The following SLC38A11 variants were observed in gnomAD, a reference collection of about 807,000 sequenced individuals.
SLC38A11 encodes the protein putative sodium-coupled neutral amino acid transporter 11.
Under a neutral mutation model 49.4 loss-of-function variants are expected in SLC38A11, and 51 were observed. The observed-to-expected ratio is 1.03, with a 90% CI of 0.83 to 1.30. SLC38A11 has a LOEUF of 1.30. Among genes scored for constraint, SLC38A11 ranks in the 50% most tolerant of loss-of-function variants. The pLI, the probability that SLC38A11 is intolerant of heterozygous loss-of-function variation, is 0.00. For synonymous variants in SLC38A11, 203 were observed against 192.9 expected (o/e 1.05, Z -0.43); for missense variants, 574 against 556.2 (o/e 1.03, Z -0.32).
In SLC38A11 at chr2:164,921,866, A is replaced by T. The variant is rs549365040; in HGVS notation, c.618-5893T>A. 9.2e-5 allele frequency among the ~76,000 whole-genome samples: 14 copies of T among 152,322 alleles called. No individual in the cohort carries two copies. The South Asian group carries it at 2.7e-3, about 29-fold the overall frequency. On this transcript the variant is annotated intron_variant, in intron 7 of 11. Coordinates refer to ENST00000685975, the MANE Select transcript of SLC38A11 (RefSeq NM_001351537.2). ...AGTTTGTAGCCTTAGAACAGCAAAC[A>T]CTTTTACAATTAATTACTTCCCTTA...
intron 11 of SLC38A11, among the ~76,000 whole-genome samples, chr2:164,901,260 C>T (rs1276246285): frequency 6.6e-6 from 1 of 151,772 alleles, no homozygotes; most frequent in Non-Finnish European, 1.5e-5. Flanking sequence ...TTTTTCTTTT[C>T]AATACTGATT....
chr2:164,915,302 A>C (rs754389982), intron 8 of SLC38A11, 29 bp from the exon 9 acceptor site: 2 of 1,568,008 alleles, frequency 1.3e-6, no homozygotes, highest in Non-Finnish European at 1.7e-6. Context: ...GAGCATTATT[A>C]AATCAAGCAC....
intron 3 of SLC38A11, among the ~76,000 whole-genome samples, chr2:164,947,115 CTCTTTTT>C (rs1688167447): frequency 1.6e-5 from 1 of 63,078 alleles, no homozygotes; most frequent in Non-Finnish European, 2.9e-5. Context: ...ACTTTTTTAT[CTCTTTTT>C]TTTTTTTTTT....
intron 11 of SLC38A11, among the ~76,000 whole-genome samples, chr2:164,907,016 C>T (rs949987423): frequency 6.6e-6 from 1 of 152,088 alleles, no homozygotes; most frequent in Non-Finnish European, 1.5e-5. Context: ...GGTGCATGAC[C>T]AATAAGTGCT....
At chr2:164,900,785 T>C (rs990011859) in intron 11 of SLC38A11, among the ~76,000 whole-genome samples, 1 of 152,060 alleles carries the variant, frequency 6.6e-6, no homozygotes, top group Non-Finnish European at 1.5e-5. Context: ...CCCTCCCCAC[T>C]GCAGAGGCCT....
intron 3 of SLC38A11, among the ~76,000 whole-genome samples, chr2:164,948,289 G>C (rs1168441166): frequency 6.6e-6 from 1 of 152,188 alleles, no homozygotes; most frequent in Non-Finnish European, 1.5e-5. Context: ...ATTGTATTTG[G>C]AGTCAGATAA....
Position 164,952,051 on chromosome 2 carries a change from G to T in SLC38A11, c.229+656C>A, listed in dbSNP as rs945946436. On this transcript the variant is annotated intron_variant, in intron 3 of 11. Coordinates refer to ENST00000685975, the MANE Select transcript of SLC38A11 (RefSeq NM_001351537.2). ...ATGTTTGTCATAAGGTGAGATGGTG[G>T]GATGACAAGGCGGGGACGAGGACAA... 2.0e-5 allele frequency among the ~76,000 whole-genome samples: 3 copies of T among 152,244 alleles called. No individual in the cohort carries two copies. In the East Asian group the frequency reaches 5.8e-4, roughly 29 times the overall value.
intron 10 of SLC38A11, among the ~76,000 whole-genome samples, chr2:164,909,809 G>C (rs116331815): frequency 1.1e-3 from 162 of 152,152 alleles, no homozygotes; most frequent in African/African-American, 3.9e-3. Context: ...TCATAAAGAA[G>C]CCATCTCTCT....
intron 5 of SLC38A11, 87 bp from the exon 6 acceptor site, chr2:164,939,643 A>G (rs1418723247): frequency 9.1e-6 from 7 of 767,088 alleles, no homozygotes; most frequent in Non-Finnish European, 1.4e-5. Context: ...AATTATAAAA[A>G]TTACTTAAAC....
intron 10 of SLC38A11, among the ~76,000 whole-genome samples, chr2:164,911,087 A>G (rs182527399): frequency 1.5e-4 from 23 of 152,108 alleles, no homozygotes; most frequent in Non-Finnish European, 2.6e-4. Flanking sequence ...ATGTATAAAT[A>G]CATAAATAAA....
intron 3 of SLC38A11, among the ~76,000 whole-genome samples, chr2:164,952,431 C>T (rs1385635517): frequency 2.0e-5 from 3 of 152,170 alleles, no homozygotes; most frequent in Non-Finnish European, 2.9e-5. Flanking sequence ...AAAATGACTT[C>T]CCCATCTACT....
intron 3 of SLC38A11, 51 bp from the exon 4 acceptor site, chr2:164,945,778 T>C (rs1431731169): frequency 6.4e-7 from 1 of 1,561,830 alleles, no homozygotes; most frequent in East Asian, 2.3e-5. Flanking sequence ...TACAAATATT[T>C]TTCATGTTTT....
chr2:164,916,884 G>A (rs1172556755), intron 7 of SLC38A11, among the ~76,000 whole-genome samples: 1 of 152,092 alleles, frequency 6.6e-6, no homozygotes, highest in Non-Finnish European at 1.5e-5. Flanking sequence ...CCACTTATTA[G>A]CTGTGTGATT....
chr2:164,929,285 T>G (rs796573094), intron 7 of SLC38A11, among the ~76,000 whole-genome samples: 38 of 152,228 alleles, frequency 2.5e-4, no homozygotes, highest in African/African-American at 9.1e-4. Context: ...GGCATCACTG[T>G]CCTTTGGGAT....
At chr2:164,907,072 G>T (rs905719907) in intron 11 of SLC38A11, among the ~76,000 whole-genome samples, 1 of 152,044 alleles carries the variant, frequency 6.6e-6, no homozygotes, top group Non-Finnish European at 1.5e-5. Context: ...GATTGTAGAA[G>T]ATTAGCCACT....
chr2:164,950,733 C>T (rs909975611), intron 3 of SLC38A11, among the ~76,000 whole-genome samples: 1 of 151,902 alleles, frequency 6.6e-6, no homozygotes, highest in African/African-American at 2.4e-5. Flanking sequence ...TTTTGTTCCC[C>T]AACATTTCAT....
At position 164,911,652 on chromosome 2, in the gene SLC38A11, C is replaced by T. The variant is rs1685413291; in HGVS notation, c.947G>A (p.Cys316Tyr). ...VTVILTYPME[C>Y]FVTREVIANV... is the part of the protein sequence containing the mutation. ...CGCGCTTACCTCTCTTGTCACAAAG[C>T]ATTCCATAGGGTATGTCAAAATGAC... The change falls in exon 10 of 12, where the codon TGC becomes TAC. Residue 316 changes from cysteine to tyrosine, a missense_variant. Transcript: ENST00000685975. 3.8e-6 allele frequency: 6 copies of T among 1,593,724 alleles called. No individual in the cohort carries two copies. The East Asian group carries it at 1.4e-4, about 36-fold the overall frequency.
At chr2:164,917,183 G>A (rs34335307) in intron 7 of SLC38A11, among the ~76,000 whole-genome samples, 17,083 of 152,036 alleles carry the variant, frequency 0.11, 1,204 homozygotes, top group Non-Finnish European at 0.17. Context: ...AATGGAACAG[G>A]GATATTCCTA....
At chr2:164,949,779 A>G (rs1464115940) in intron 3 of SLC38A11, among the ~76,000 whole-genome samples, 1 of 152,252 alleles carries the variant, frequency 6.6e-6, no homozygotes, top group African/African-American at 2.4e-5. Context: ...CCTGGGTAAC[A>G]GAATTCTCCA....
Sources: allele counts gnomAD v4.1 joint callset (sites outside exome capture counted in the v4.1 genomes callset), GRCh38; gene constraint gnomAD v4.1.1; transcripts MANE v1.5; gene names NCBI Gene and HGNC (gene_info 2026-07-23, HGNC 2026-07-21).